Variants in SPACA1 observed in about 807,000 individuals in gnomAD.
SPACA1 encodes the protein sperm acrosome membrane-associated protein 1.
Under a neutral mutation model 32.6 loss-of-function variants are expected in SPACA1, and 17 were observed. The ratio of observed to expected loss-of-function variants is 0.52; its 90% CI spans 0.36 to 0.78. The LOEUF is 0.78. Among genes scored for constraint, SPACA1 ranks in the 30% least tolerant of loss-of-function variants. The probability of loss-of-function intolerance (pLI) is 0.01; values close to 1 mark genes in which losing one functional copy is unlikely to be tolerated. For synonymous variants in SPACA1, 140 were observed against 138.1 expected (o/e 1.01, Z -0.10); for missense variants, 363 against 373.4 (o/e 0.97, Z 0.23).
At chr6:88,062,405 C>T (rs1305806401) in intron 5 of SPACA1, among the ~76,000 whole-genome samples, 2 of 152,098 alleles carry the variant, frequency 1.3e-5, no homozygotes, top group East Asian at 1.9e-4. Context: ...CTGTATAATG[C>T]AATAGTTGGA....
intron 1 of SPACA1, among the ~76,000 whole-genome samples, chr6:88,051,304 G>A (rs191143179): frequency 1.4e-3 from 211 of 152,218 alleles, no homozygotes; most frequent in African/African-American, 4.8e-3. Flanking sequence ...ATAGAAAGTT[G>A]TAGTCTATAC....
chr6:88,065,164 G>A (rs1225415996), intron 6 of SPACA1, among the ~76,000 whole-genome samples: 5 of 147,970 alleles, frequency 3.4e-5, no homozygotes, highest in East Asian at 2.0e-4. Flanking sequence ...TATTTGAACC[G>A]TATATGTATA....
intron 3 of SPACA1, among the ~76,000 whole-genome samples, chr6:88,058,252 C>CT (rs905087720): frequency 3.9e-5 from 6 of 152,308 alleles, no homozygotes; most frequent in African/African-American, 1.4e-4. Context: ...CTTTTGGTGA[C>CT]TTTATCTTTG....
intron 2 of SPACA1, 132 bp from the exon 3 acceptor site, chr6:88,057,480 T>C (rs1339577862): frequency 8.3e-6 from 5 of 603,120 alleles, no homozygotes; most frequent in Non-Finnish European, 2.9e-6. Context: ...TTAAGTGTTA[T>C]CGTTCTGAAT....
intron 2 of SPACA1, among the ~76,000 whole-genome samples, chr6:88,056,836 A>AT (rs1384489895): frequency 1.3e-5 from 2 of 152,214 alleles, no homozygotes; most frequent in African/African-American, 2.4e-5. Context: ...CAACTCTGGA[A>AT]TTCTGAGATC....
At chr6:88,064,047 C>A in intron 5 of SPACA1, 52 bp from the exon 6 acceptor site, 2 of 1,546,468 alleles carry the variant, frequency 1.3e-6, no homozygotes, top group East Asian at 2.3e-5. Flanking sequence ...GTTAGATATT[C>A]ATTTCCTTTT....
At chr6:88,059,649 A>T in intron 5 of SPACA1, 61 bp downstream of exon 5, 1 of 1,486,894 alleles carries the variant, frequency 6.7e-7, no homozygotes, top group Non-Finnish European at 9.0e-7. Flanking sequence ...CATTAAAATC[A>T]CTTAGAGGCT....
Position 88,059,444 on chromosome 6 carries a change from T to C in SPACA1, c.475-9T>C, listed in dbSNP as rs1303978792. 6.3e-7 allele frequency: 1 copy of C among 1,586,750 alleles called. No individual in the cohort carries two copies. The highest frequency in any genetic ancestry group is 8.6e-7 in the Non-Finnish European group (1 of 1,168,926). ...GTTGATACTTTGTTATTTTTTTCTT[T>C]TTAAATAGCAATCCATTATACTTGT... On this transcript the variant is annotated splice_polypyrimidine_tract_variant and intron_variant, in intron 4 of 6. Coordinates refer to ENST00000237201, the MANE Select transcript of SPACA1 (RefSeq NM_030960.3).
chr6:88,061,897 AC>A (rs1451746870), intron 5 of SPACA1, among the ~76,000 whole-genome samples: 1 of 152,104 alleles, frequency 6.6e-6, no homozygotes, highest in East Asian at 1.9e-4. Context: ...AGTCTAGGTG[AC>A]CCTTGCAAGA....
At chr6:88,047,729 C>T, upstream of SPACA1, 1 of 655,294 alleles carries the variant, frequency 1.5e-6, no homozygotes, top group Non-Finnish European at 2.5e-6. Flanking sequence ...TAGCTCCGCG[C>T]GAGTTCCAGG....
chr6:88,059,410 A>C, intron 4 of SPACA1, 43 bp from the exon 5 acceptor site: 2 of 1,514,010 alleles, frequency 1.3e-6, no homozygotes, highest in South Asian at 1.2e-5. Flanking sequence ...GTAAGTGTAC[A>C]TGAAAAATGT....
chr6:88,066,110 G>T (rs1327257617), intron 6 of SPACA1, 72 bp from the exon 7 acceptor site: 1 of 1,227,760 alleles, frequency 8.1e-7, no homozygotes, highest in Admixed American at 2.4e-5. Flanking sequence ...TCTATACATA[G>T]AAAATATAGA....
Position 88,057,652 on chromosome 6 carries a change from T to C in SPACA1, c.306T>C (p.Pro102=). The change falls in exon 3 of 7, where the codon CCT becomes CCC. Residue 102 remains proline, a synonymous_variant. Transcript: ENST00000237201. ...VREVILTNGC[P]GGESKCVVRV... ...AAGTTATATTAACAAATGGATGCCC[T>C]GGTGGTGAATCCAAGTGTGTTGTAC... is the stretch of plus-strand genomic sequence containing the variant. 6.2e-7 allele frequency: 1 copy of C among 1,614,016 alleles called. No individual in the cohort carries two copies. Among genetic ancestry groups the C allele is most frequent in the Non-Finnish European group, 8.5e-7 (1 of 1,179,910 alleles).
intron 2 of SPACA1, 31 bp from the exon 3 acceptor site, chr6:88,057,581 A>C (rs1440713349): frequency 3.9e-6 from 6 of 1,520,864 alleles, no homozygotes; most frequent in Non-Finnish European, 5.5e-6. Flanking sequence ...TTTTTTTCTT[A>C]ACATTTGCCT....
At chr6:88,048,712 AGCTAGTG>A (rs1336246703) in intron 1 of SPACA1, among the ~76,000 whole-genome samples, 1 of 152,216 alleles carries the variant, frequency 6.6e-6, no homozygotes, top group Non-Finnish European at 1.5e-5. Context: ...CAAGGGATCC[AGCTAGTG>A]GCTTTGTTAG....
chr6:88,051,780 C>T (rs1184111841), intron 1 of SPACA1, among the ~76,000 whole-genome samples: 1 of 152,202 alleles, frequency 6.6e-6, no homozygotes, highest in East Asian at 1.9e-4. Context: ...CATTATTTCA[C>T]CCTGTCATCT....
At chr6:88,060,908 T>C (rs1775883433) in intron 5 of SPACA1, among the ~76,000 whole-genome samples, 1 of 152,214 alleles carries the variant, frequency 6.6e-6, no homozygotes, top group African/African-American at 2.4e-5. Flanking sequence ...GTCAGGCCTT[T>C]ATTGAGACAA....
rs759331655 is a variant in SPACA1, at chr6:88,058,750, T to C, written c.402T>C (p.Val134=). The C allele has an allele frequency of 1.9e-6, 3 of 1,613,828 alleles. No individual in the cohort carries two copies. The highest frequency in any genetic ancestry group is 2.5e-6 in the Non-Finnish European group (3 of 1,179,938). Residue 134 remains valine (V), a synonymous_variant, in exon 4 of 7, where the codon GTT becomes GTC. Transcript: ENST00000237201. Reference sequence around the variant, plus strand: ...CAATTTCAGAAAGTCTTGAAAGTGTTAGATTGGCATGTATTCACACATCTC... The same window carrying C: ...CAATTTCAGAAAGTCTTGAAAGTGTCAGATTGGCATGTATTCACACATCTC... ...GKPISESLES[V]RLACIHTSPL...
chr6:88,061,429 TGC>T (rs1412290903), intron 5 of SPACA1, among the ~76,000 whole-genome samples: 6 of 63,708 alleles, frequency 9.4e-5, no homozygotes, highest in Admixed American at 1.7e-4. Flanking sequence ...GGCATGCTTG[TGC>T]GCACACACAC....
Sources: gnomAD v4.1 joint callset for allele counts (sites outside exome capture counted in the v4.1 genomes callset) on GRCh38, gnomAD v4.1.1 for gene constraint, MANE v1.5 for transcripts, NCBI Gene and HGNC (gene_info 2026-07-23, HGNC 2026-07-21) for gene names.